Variants in STAG1 observed in about 807,000 individuals in gnomAD.
STAG1 encodes the protein STAG1 cohesin complex component, also known as cohesin subunit SA-1.
STAG1 carries 26 observed loss-of-function variants against 170.9 expected under a neutral mutation model. That is an observed-to-expected ratio of 0.15 (90% CI 0.11 to 0.21). The LOEUF (loss-of-function observed/expected upper bound fraction) is 0.21. Among genes scored for constraint, STAG1 ranks in the 10% least tolerant of loss-of-function variants. The pLI is 1.00. For missense variants in STAG1, 964 were observed against 1,509.5 expected (o/e 0.64, Z 5.99); for synonymous variants, 514 against 497.7 (o/e 1.03, Z -0.44).
chr3:136,395,935 G>C (rs906221237), intron 22 of STAG1, among the ~76,000 whole-genome samples: 4 of 152,028 alleles, frequency 2.6e-5, no homozygotes, highest in African/African-American at 9.7e-5. Context: ...CAAGAGGCTC[G>C]CTCTGTCACC....
chr3:136,478,815 G>C lies in STAG1; in HGVS notation c.903-1403C>G, dbSNP rs145834513. Among the ~76,000 whole-genome samples the C allele has an allele frequency of 4.0e-3, 613 of 152,178 alleles. 2 individuals carry two copies. The highest frequency in any genetic ancestry group is 6.5e-3 in the Non-Finnish European group (443 of 68,004). On this transcript the variant is annotated intron_variant, in intron 9 of 33. Coordinates refer to ENST00000383202, the MANE Select transcript of STAG1 (RefSeq NM_005862.3). ...TCTCATGGAGAGGCTGTACAACATA[G>C]TGGCTAAAAGTACAGGCTCTGGAGG...
At position 136,547,902 on chromosome 3, in the gene STAG1, A is replaced by G. The variant is rs556244369; in HGVS notation, c.395-5707T>C. Among the ~76,000 whole-genome samples the G allele has an allele frequency of 2.0e-5, 3 of 152,236 alleles. No homozygotes were observed. In the South Asian group the frequency reaches 6.2e-4, roughly 32 times the overall value. On this transcript the variant is annotated intron_variant, in intron 5 of 33. Transcript: ENST00000383202. The stretch of plus-strand genomic sequence containing the variant: ...TGAGTTGATTTTTGAGTTAAAGTGT[A>G]AGGTAAGGGTCCAAACCAATTTCAT...
At chr3:136,531,587 A>T (rs2107929111) in intron 6 of STAG1, among the ~76,000 whole-genome samples, 1 of 152,056 alleles carries the variant, frequency 6.6e-6, no homozygotes, top group African/African-American at 2.4e-5. Flanking sequence ...AGCCATAAAA[A>T]TGATGAGTTC....
chr3:136,633,024 G>C (rs71336069), intron 1 of STAG1, among the ~76,000 whole-genome samples: 28,775 of 151,780 alleles, frequency 0.19, 3,094 homozygotes, highest in Non-Finnish European at 0.24. Context: ...GGGAGGGCGG[G>C]GAATCACTAA....
At chr3:136,397,299 A>G (rs1260813836) in intron 22 of STAG1, among the ~76,000 whole-genome samples, 1 of 152,122 alleles carries the variant, frequency 6.6e-6, no homozygotes, top group Non-Finnish European at 1.5e-5. Context: ...TTCATGAGTG[A>G]TATTTTTGCT....
chr3:136,446,170 T>C (rs1190462615), intron 14 of STAG1, among the ~76,000 whole-genome samples: 1 of 152,186 alleles, frequency 6.6e-6, no homozygotes, highest in Non-Finnish European at 1.5e-5. Context: ...TACTCCTACA[T>C]TTAAAAACTA....
At chr3:136,748,157 C>A (rs1935045202) in intron 1 of STAG1, among the ~76,000 whole-genome samples, 1 of 151,500 alleles carries the variant, frequency 6.6e-6, no homozygotes, top group African/African-American at 2.4e-5. Flanking sequence ...TTTGGGAGGC[C>A]AAGGTGGACA....
intron 8 of STAG1, among the ~76,000 whole-genome samples, chr3:136,501,947 C>T (rs546905330): frequency 6.6e-4 from 101 of 151,964 alleles, no homozygotes; most frequent in African/African-American, 2.3e-3. Flanking sequence ...TTTGGGAGGC[C>T]GAGGTGGGCG....
chr3:136,642,102 T>C (rs578107814), intron 1 of STAG1, among the ~76,000 whole-genome samples: 63 of 152,244 alleles, frequency 4.1e-4, no homozygotes, highest in Non-Finnish European at 7.1e-4. Flanking sequence ...ATTAGTGCTA[T>C]GTAAGTTCCC....
chr3:136,638,466 G>T (rs1940666302), intron 1 of STAG1, among the ~76,000 whole-genome samples: 1 of 152,010 alleles, frequency 6.6e-6, no homozygotes, highest in African/African-American at 2.4e-5. Context: ...TTGAAACCTA[G>T]TAAACAGTTG....
rs145647081 is a variant in STAG1 at position 136,650,604 on chromosome 3, A to G, written c.-83-19623T>C. Among the ~76,000 whole-genome samples, 395 of 152,316 alleles carry G rather than the reference A, an allele frequency of 2.6e-3. 2 individuals are homozygous for G. Among genetic ancestry groups the G allele is most frequent in the African/African-American group, 9.2e-3 (384 of 41,568 alleles). On this transcript the variant is annotated intron_variant, in intron 1 of 33. Transcript: ENST00000383202. ...CTACCCAAATTGTAAAAGGCCTTCAATGTTAGTCCAGGGAACTTAAGATTT... is the reference window on the plus strand; with the variant it reads ...CTACCCAAATTGTAAAAGGCCTTCAGTGTTAGTCCAGGGAACTTAAGATTT...
intron 5 of STAG1, among the ~76,000 whole-genome samples, chr3:136,557,842 AAT>A (rs1936689050): frequency 2.0e-5 from 3 of 152,200 alleles, no homozygotes; most frequent in Non-Finnish European, 4.4e-5. Context: ...CCTGGTCAAT[AAT>A]TTCTTAAATA....
Position 136,690,073 on chromosome 3 carries a change from A to G in STAG1, c.-83-59092T>C, listed in dbSNP as rs566084121. On this transcript the variant is annotated intron_variant, in intron 1 of 33. Coordinates refer to ENST00000383202, the MANE Select transcript of STAG1 (RefSeq NM_005862.3). ...AAGCAAACCAAAAAAAAAAAAAAAA[A>G]AAAAAAGTAAAGAAAAGAGAGAAAA... Among the ~76,000 whole-genome samples, 14 of 150,806 alleles carry G rather than the reference A, an allele frequency of 9.3e-5. 1 individual carries two copies. The highest frequency in any genetic ancestry group is 7.9e-4 in the Admixed American group (12 of 15,176).
intron 5 of STAG1, among the ~76,000 whole-genome samples, chr3:136,554,213 G>T (rs149380612): frequency 6.6e-6 from 1 of 152,124 alleles, no homozygotes; most frequent in Non-Finnish European, 1.5e-5. Context: ...ACATATCAGG[G>T]AGTGGAGAGA....
At chr3:136,636,296 C>G (rs1388953163) in intron 1 of STAG1, among the ~76,000 whole-genome samples, 1 of 151,660 alleles carries the variant, frequency 6.6e-6, no homozygotes, top group African/African-American at 2.4e-5. Flanking sequence ...TATACACACA[C>G]AGACATACAA....
At chr3:136,411,477 G>A (rs979870401) in intron 21 of STAG1, among the ~76,000 whole-genome samples, 1 of 152,080 alleles carries the variant, frequency 6.6e-6, no homozygotes, top group Non-Finnish European at 1.5e-5. Flanking sequence ...GGGTATAAGA[G>A]ATATTACAAT....
chr3:136,345,749 T>C (rs1936197975), intron 29 of STAG1, among the ~76,000 whole-genome samples: 1 of 152,198 alleles, frequency 6.6e-6, no homozygotes, highest in South Asian at 2.1e-4. Context: ...GTTAGGTTCC[T>C]CTTTTGCCAT....
intron 9 of STAG1, among the ~76,000 whole-genome samples, chr3:136,495,074 C>G (rs1933009553): frequency 6.6e-6 from 1 of 152,136 alleles, no homozygotes; most frequent in Non-Finnish European, 1.5e-5. Context: ...AAAAGCTCAT[C>G]TAAAGCATAC....
chr3:136,478,468 A>G (rs780380717), intron 9 of STAG1, among the ~76,000 whole-genome samples: 3 of 152,228 alleles, frequency 2.0e-5, no homozygotes, highest in Non-Finnish European at 4.4e-5. Context: ...TATTAACTAT[A>G]ATATCATAAA....
Sources: gnomAD v4.1 joint callset for allele counts (sites outside exome capture counted in the v4.1 genomes callset) on GRCh38, gnomAD v4.1.1 for gene constraint, MANE v1.5 for transcripts, NCBI Gene and HGNC (gene_info 2026-07-23, HGNC 2026-07-21) for gene names.